The following AUTS2 variants were observed in gnomAD, a reference collection of about 807,000 sequenced individuals.
AUTS2 encodes autism susceptibility gene 2 protein.
Under a neutral mutation model 112.4 loss-of-function variants are expected in AUTS2, and 17 were observed. The ratio of observed to expected loss-of-function variants is 0.15; its 90% confidence interval spans 0.10 to 0.23. The LOEUF is 0.23. Among genes scored for constraint, AUTS2 ranks in the 10% least tolerant of loss-of-function variants. The pLI, the probability that AUTS2 is intolerant of heterozygous loss-of-function variation, is 1.00. For synonymous variants in AUTS2, 751 were observed against 702.7 expected, an observed-to-expected ratio of 1.07 and a Z score of -1.09; for missense variants, 1,510 against 1,701.6, an observed-to-expected ratio of 0.89 and a Z score of 1.98.
At chr7:70,612,269 AT>A (rs914290611) in intron 5 of AUTS2, among the ~76,000 whole-genome samples, 5 of 151,650 alleles carry the variant, frequency 3.3e-5, no homozygotes, top group Admixed American at 1.3e-4. Flanking sequence ...TTGTTTAATA[AT>A]TTTTTTTTAG....
intron 1 of AUTS2, among the ~76,000 whole-genome samples, chr7:69,812,767 A>G (rs920459139): frequency 2.0e-5 from 3 of 152,072 alleles, no homozygotes; most frequent in African/African-American, 7.3e-5. Flanking sequence ...TGTCAGTATT[A>G]GTTAACAAGC....
At chr7:70,111,171 G>A (rs555092878) in intron 2 of AUTS2, among the ~76,000 whole-genome samples, 3 of 152,112 alleles carry the variant, frequency 2.0e-5, no homozygotes, top group South Asian at 2.1e-4. Context: ...GAGCCACCGC[G>A]CCCAGCCCTA....
At chr7:70,093,522 G>A (rs1008191294) in intron 2 of AUTS2, among the ~76,000 whole-genome samples, 8 of 152,138 alleles carry the variant, frequency 5.3e-5, no homozygotes, top group African/African-American at 1.9e-4. Context: ...CATCTCTAGA[G>A]GGAAGAAATT....
At chr7:70,325,363 C>G (rs533134951) in intron 4 of AUTS2, among the ~76,000 whole-genome samples, 1 of 152,206 alleles carries the variant, frequency 6.6e-6, no homozygotes, top group Non-Finnish European at 1.5e-5. Context: ...AAAGAAATTA[C>G]TTAAAATATT....
chr7:70,438,395 C>T (rs915292227), intron 5 of AUTS2, among the ~76,000 whole-genome samples: 1 of 152,058 alleles, frequency 6.6e-6, no homozygotes, highest in Non-Finnish European at 1.5e-5. Context: ...CATGGCGCAC[C>T]TCCTGCCCTG....
At chr7:70,528,294 A>T (rs1441065306) in intron 5 of AUTS2, among the ~76,000 whole-genome samples, 1 of 150,340 alleles carries the variant, frequency 6.7e-6, no homozygotes, top group Non-Finnish European at 1.5e-5. Context: ...AAAAATAATA[A>T]AAAAAAAACC....
intron 1 of AUTS2, among the ~76,000 whole-genome samples, chr7:69,839,103 G>T (rs1791855216): frequency 6.6e-6 from 1 of 152,100 alleles, no homozygotes; most frequent in Non-Finnish European, 1.5e-5. Context: ...TCGGGTATGT[G>T]TTAGAAAAAG....
intron 4 of AUTS2, among the ~76,000 whole-genome samples, chr7:70,349,624 CATCCTTTGA>C (rs1791658509): frequency 6.6e-6 from 1 of 151,776 alleles, no homozygotes; most frequent in South Asian, 2.1e-4. Context: ...GTAACATAAT[CATCCTTTGA>C]AGACTGAGAT....
At chr7:70,019,471 G>A (rs1036827266) in intron 2 of AUTS2, among the ~76,000 whole-genome samples, 19 of 152,164 alleles carry the variant, frequency 1.2e-4, no homozygotes, top group African/African-American at 4.6e-4. Context: ...AACAATTTCT[G>A]TGGTTGTCCT....
intron 5 of AUTS2, among the ~76,000 whole-genome samples, chr7:70,468,258 T>G (rs976668677): frequency 1.3e-5 from 2 of 152,152 alleles, no homozygotes; most frequent in Non-Finnish European, 2.9e-5. Context: ...GTAATTTTGT[T>G]TTTTATGTTC....
intron 1 of AUTS2, among the ~76,000 whole-genome samples, chr7:69,652,013 T>G (rs1324648827): frequency 1.3e-5 from 2 of 152,190 alleles, no homozygotes; most frequent in African/African-American, 4.8e-5. Flanking sequence ...CAGCCTTGAT[T>G]AGATTAGGCC....
intron 2 of AUTS2, among the ~76,000 whole-genome samples, chr7:69,964,942 C>T (rs1280957601): frequency 3.9e-5 from 6 of 151,926 alleles, no homozygotes; most frequent in Non-Finnish European, 4.4e-5. Flanking sequence ...TGAGTAATCC[C>T]CTCACCCCTC....
intron 4 of AUTS2, among the ~76,000 whole-genome samples, chr7:70,271,438 G>A (rs1311016933): frequency 2.0e-5 from 3 of 151,520 alleles, no homozygotes; most frequent in Non-Finnish European, 4.4e-5. Context: ...TCCTCTCTTC[G>A]TCTCTTGCGA....
chr7:69,985,761 CTT>C (rs772444694), intron 2 of AUTS2, among the ~76,000 whole-genome samples: 17 of 143,702 alleles, frequency 1.2e-4, no homozygotes, highest in Non-Finnish European at 1.1e-4. Context: ...GCCCCCTTTA[CTT>C]TTTTTTTTTT....
chr7:69,720,914 G>A (rs1453733676), intron 1 of AUTS2, among the ~76,000 whole-genome samples: 1 of 152,180 alleles, frequency 6.6e-6, no homozygotes, highest in Non-Finnish European at 1.5e-5. Flanking sequence ...TCTGAAGAAA[G>A]CCAAAGAAGG....
intron 4 of AUTS2, among the ~76,000 whole-genome samples, chr7:70,146,386 T>A (rs1450972123): frequency 6.6e-6 from 1 of 152,154 alleles, no homozygotes; most frequent in Non-Finnish European, 1.5e-5. Flanking sequence ...TTATTTTAAT[T>A]AACATGGATC....
intron 1 of AUTS2, among the ~76,000 whole-genome samples, chr7:69,613,120 A>T (rs894569277): frequency 1.3e-5 from 2 of 152,200 alleles, no homozygotes; most frequent in African/African-American, 4.8e-5. Context: ...GGATCAGTAT[A>T]AGAGAGGCAA....
At chr7:70,347,399 A>G (rs1276188734) in intron 4 of AUTS2, among the ~76,000 whole-genome samples, 4 of 152,152 alleles carry the variant, frequency 2.6e-5, no homozygotes, top group African/African-American at 9.7e-5. Context: ...TGCCTCACTC[A>G]TCTTTGTGAG....
intron 4 of AUTS2, among the ~76,000 whole-genome samples, chr7:70,362,615 C>T (rs759014591): frequency 2.0e-5 from 3 of 151,878 alleles, no homozygotes; most frequent in Non-Finnish European, 2.9e-5. Flanking sequence ...TTCTCTCCCC[C>T]GTCCCTCCCT....
Sources: allele counts gnomAD v4.1 joint callset (sites outside exome capture counted in the v4.1 genomes callset), GRCh38; gene constraint gnomAD v4.1.1; transcripts MANE v1.5; gene names NCBI Gene and HGNC (gene_info 2026-07-23, HGNC 2026-07-21).